PPP2R2A: variants seen among roughly 807,000 people sequenced by gnomAD.
PPP2R2A encodes serine/threonine-protein phosphatase 2A 55 kDa regulatory subunit B alpha isoform.
A neutral mutation model predicts 53.2 loss-of-function variants in PPP2R2A; 9 were observed. That is an observed-to-expected ratio of 0.17 (90% confidence interval 0.10 to 0.30). The LOEUF is 0.30. Ranked by LOEUF, PPP2R2A falls within the 10% of genes least tolerant of loss-of-function variation. The pLI is 1.00. For missense variants in PPP2R2A, 235 were observed against 534.6 expected, an observed-to-expected ratio of 0.44 and a Z score of 5.53; for synonymous variants, 169 against 174.2, an observed-to-expected ratio of 0.97 and a Z score of 0.23.
rs557172372 is a variant in PPP2R2A, at chr8:26,325,492, C to T, written c.83-13398C>T. 5.9e-5 allele frequency among the ~76,000 whole-genome samples: 9 copies of T among 152,234 alleles called. No individual in the cohort carries two copies. The South Asian group carries it at 1.2e-3, about 21-fold the overall frequency. On this transcript the variant is annotated intron_variant, in intron 2 of 9. Transcript: ENST00000380737. ...TATGTCTTTATCAGCGGCGTGAAAA[C>T]GGACTAATACAGTTGTATTCCCTGT...
Position 26,370,088 on chromosome 8 carries a change from T to C in PPP2R2A, c.1065-46T>C. 6.4e-7 allele frequency: 1 copy of C among 1,563,220 alleles called. No homozygotes were observed. The highest frequency in any genetic ancestry group is 8.7e-7 in the Non-Finnish European group (1 of 1,147,366). ...GCCGAATCATTTTACTTGAAAACAA[T>C]TTCTTGTTCTGCTTGTTTGACTGAG... is the stretch of plus-strand genomic sequence containing the variant. On this transcript the variant is annotated intron_variant, in intron 9 of 9. Transcript: ENST00000380737. The surrounding 1 kb of genome is among the most constrained non-coding windows in gnomAD (Gnocchi z 6.1).
intron 2 of PPP2R2A, among the ~76,000 whole-genome samples, chr8:26,326,969 A>C (rs1385360491): frequency 5.9e-5 from 9 of 152,210 alleles, no homozygotes; most frequent in African/African-American, 1.4e-4. Flanking sequence ...ATATGATTCC[A>C]TTCCATTTTA....
intron 1 of PPP2R2A, 148 bp downstream of exon 1, chr8:26,291,974 G>A: frequency 8.2e-7 from 1 of 1,216,848 alleles, no homozygotes; most frequent in Non-Finnish European, 1.1e-6. Context: ...GTGGGGTGGG[G>A]GCGGGGAGGG....
intron 2 of PPP2R2A, among the ~76,000 whole-genome samples, chr8:26,325,600 T>C (rs1418452023): frequency 6.6e-6 from 1 of 152,230 alleles, no homozygotes; most frequent in Non-Finnish European, 1.5e-5. Flanking sequence ...CATAAGTACC[T>C]GAACATTATT....
chr8:26,363,672 A>G, intron 7 of PPP2R2A, 49 bp from the exon 8 acceptor site: 2 of 1,409,974 alleles, frequency 1.4e-6, no homozygotes, highest in Non-Finnish European at 1.9e-6. Context: ...TGTCCAAGCC[A>G]GAATATTGTA....
rs1362738562 is a variant in PPP2R2A at position 26,372,630 on chromosome 8, T to C, written c.*2217T>C. 2 of 152,352 alleles carry C rather than the reference T, an allele frequency of 1.3e-5. No individual in the cohort carries two copies. The highest frequency in any genetic ancestry group is 3.9e-4 in the East Asian group (2 of 5,190). The allele number at this position is 152,352 out of a possible 1,614,324, so 9.4% of individuals were successfully genotyped here. On this transcript the variant is annotated 3_prime_UTR_variant, in exon 10 of 10. Transcript: ENST00000380737. The stretch of plus-strand genomic sequence containing the variant: ...AAACTCTAAGCCCAGCCACTCATTT[T>C]ACATGGCCATGGTTAATCTTTTTAT...
intron 2 of PPP2R2A, among the ~76,000 whole-genome samples, chr8:26,324,506 G>A (rs941337187): frequency 1.1e-4 from 17 of 152,208 alleles, no homozygotes; most frequent in African/African-American, 2.4e-4. Context: ...GTTTTCAGAC[G>A]TGTGGAAATG....
At chr8:26,346,381 T>C (rs939231732) in intron 3 of PPP2R2A, among the ~76,000 whole-genome samples, 1 of 152,180 alleles carries the variant, frequency 6.6e-6, no homozygotes, top group Non-Finnish European at 1.5e-5. Context: ...CCTCAAGTTA[T>C]CTGCCCACTT....
rs1247182153 is a variant in PPP2R2A, at chr8:26,362,044, A to C, written c.638-640A>C. ...TAAGATTAGATTAAGATTAATCTTA[A>C]GATTAGATTAAGATTAATTTTAAGA... On this transcript the variant is annotated intron_variant, in intron 6 of 9. Coordinates refer to ENST00000380737, the MANE Select transcript of PPP2R2A (RefSeq NM_002717.4). This position sits in a 1 kb window ranked among gnomAD's most constrained non-coding sequence, Gnocchi z 4.4. Among the ~76,000 whole-genome samples the C allele has an allele frequency of 6.7e-6, 1 of 149,814 alleles. No individual in the cohort carries two copies. The highest frequency in any genetic ancestry group is 1.5e-5 in the Non-Finnish European group (1 of 67,536).
At chr8:26,315,492 A>G (rs1430710441) in intron 2 of PPP2R2A, among the ~76,000 whole-genome samples, 2 of 152,182 alleles carry the variant, frequency 1.3e-5, no homozygotes, top group Admixed American at 1.3e-4. Context: ...CCTCACCACC[A>G]GCTTCCTCTC....
At chr8:26,341,241 G>T (rs1447758420) in intron 3 of PPP2R2A, among the ~76,000 whole-genome samples, 2 of 152,102 alleles carry the variant, frequency 1.3e-5, no homozygotes, top group Non-Finnish European at 2.9e-5. Context: ...AATTTGGTGT[G>T]TTTTGCCTAT....
At chr8:26,314,915 A>G (rs1431309704) in intron 2 of PPP2R2A, among the ~76,000 whole-genome samples, 2 of 53,516 alleles carry the variant, frequency 3.7e-5, no homozygotes, top group South Asian at 1.2e-3. Context: ...ACTATTTTCC[A>G]TTTCCTTTTT....
chr8:26,362,026 A>C lies in PPP2R2A; in HGVS notation c.638-658A>C, dbSNP rs925362838. On this transcript the variant is annotated intron_variant, in intron 6 of 9. Transcript: ENST00000380737. This position sits in a 1 kb window ranked among gnomAD's most constrained non-coding sequence, Gnocchi z 4.4. ...TTGATATTAAGATTAGATTAAGATTAGATTAAGATTAATCTTAAGATTAGA... is the reference window on the plus strand; with the variant it reads ...TTGATATTAAGATTAGATTAAGATTCGATTAAGATTAATCTTAAGATTAGA... 6.4e-5 allele frequency among the ~76,000 whole-genome samples: 9 copies of C among 140,878 alleles called. No homozygotes were observed. Among genetic ancestry groups the C allele is most frequent in the Non-Finnish European group, 1.4e-4 (9 of 64,434 alleles). 92.4% of individuals were successfully genotyped at this position (140,878 alleles called of 152,430 possible).
intron 3 of PPP2R2A, among the ~76,000 whole-genome samples, chr8:26,352,450 C>A (rs1057182260): frequency 4.8e-4 from 73 of 152,314 alleles, no homozygotes; most frequent in Admixed American, 7.8e-4. Flanking sequence ...GTTACTGCTG[C>A]TGTCATTTCT....
intron 2 of PPP2R2A, among the ~76,000 whole-genome samples, chr8:26,323,736 C>A (rs181409557): frequency 1.3e-5 from 2 of 152,162 alleles, no homozygotes; most frequent in Non-Finnish European, 1.5e-5. Context: ...CTACGCAGCT[C>A]CTGGATGTGT....
chr8:26,311,205 A>AGT (rs1802276561), intron 2 of PPP2R2A, among the ~76,000 whole-genome samples: 1 of 152,202 alleles, frequency 6.6e-6, no homozygotes, highest in Non-Finnish European at 1.5e-5. Flanking sequence ...TTTGGCACAT[A>AGT]GTAAGCCTCA....
chr8:26,331,058 C>T (rs757280466), intron 2 of PPP2R2A, among the ~76,000 whole-genome samples: 3 of 152,058 alleles, frequency 2.0e-5, no homozygotes, highest in Non-Finnish European at 2.9e-5. Flanking sequence ...TCATAGATGC[C>T]CAGATCAGTA....
rs1805689719 is a variant in PPP2R2A, at chr8:26,372,194, T to C, written c.*1781T>C. 6.6e-6 allele frequency: 1 copy of C among 152,214 alleles called. No homozygotes were observed. Among genetic ancestry groups the C allele is most frequent in the Non-Finnish European group, 1.5e-5 (1 of 68,034 alleles). 9.4% of individuals were successfully genotyped at this position (152,214 alleles called of 1,614,324 possible). A position where few individuals can be genotyped will look rare whatever the true frequency, so the allele number is the denominator to read the frequency against. ...TAACAAATTTGTATTTGAAACACAT[T>C]CTATGTCTGATAATTCTTAATGGCA... On this transcript the variant is annotated 3_prime_UTR_variant, in exon 10 of 10. Transcript: ENST00000380737.
At chr8:26,369,297 G>T (rs1292261600) in intron 9 of PPP2R2A, among the ~76,000 whole-genome samples, 1 of 151,888 alleles carries the variant, frequency 6.6e-6, no homozygotes, top group African/African-American at 2.4e-5. Context: ...CACAATCTTG[G>T]CTCAGTGCAA....
Sources: gnomAD v4.1 joint callset for allele counts (sites outside exome capture counted in the v4.1 genomes callset) on GRCh38, gnomAD v4.1.1 for gene constraint, Gnocchi (gnomAD v3.1) non-coding constraint, MANE v1.5 for transcripts, NCBI Gene and HGNC (gene_info 2026-07-23, HGNC 2026-07-21) for gene names.